PCCA: variants seen among roughly 807,000 people sequenced by gnomAD.
PCCA encodes the protein propionyl-CoA carboxylase alpha chain, mitochondrial.
A neutral mutation model predicts 101.3 loss-of-function variants in PCCA; 74 were observed. The ratio of observed to expected loss-of-function variants is 0.73; its 90% CI spans 0.61 to 0.89. The LOEUF is 0.89. PCCA is among the 40% of genes least tolerant of loss of function. PCCA has a pLI of 0.00. For synonymous variants in PCCA, 294 were observed against 313.6 expected (o/e 0.94, Z 0.66); for missense variants, 891 against 907.0 (o/e 0.98, Z 0.23).
chr13:100,195,581 T>C (rs2058054926), intron 6 of PCCA, among the ~76,000 whole-genome samples: 1 of 152,230 alleles, frequency 6.6e-6, no homozygotes, highest in Admixed American at 6.5e-5. Context: ...GAATTTTCTC[T>C]GGGTATCTTC....
intron 6 of PCCA, among the ~76,000 whole-genome samples, chr13:100,198,822 A>T (rs2058293114): frequency 6.6e-6 from 1 of 151,956 alleles, no homozygotes; most frequent in African/African-American, 2.4e-5. Context: ...TTTAACCTTT[A>T]GTGCTAAGTA....
In PCCA at chr13:100,287,353, AAG is replaced by A. The variant is rs566581678; in HGVS notation, c.1065+14009_1065+14010del. On this transcript the variant is annotated intron_variant, in intron 12 of 23. Coordinates refer to ENST00000376285, the MANE Select transcript of PCCA (RefSeq NM_000282.4). ...TTGTATTTATATTTAACAGAAGAAA[AAG>A]AAATTAAAATGACAGAATCTCTGGA... is the stretch of plus-strand genomic sequence containing the variant. Among the ~76,000 whole-genome samples the A allele has an allele frequency of 2.9e-3, 438 of 152,234 alleles. 1 individual carries two copies. Among genetic ancestry groups the A allele is most frequent in the Middle Eastern group, 0.017 (5 of 294 alleles).
At chr13:100,219,530 T>C (rs2059697275) in intron 7 of PCCA, among the ~76,000 whole-genome samples, 3 of 152,176 alleles carry the variant, frequency 2.0e-5, no homozygotes, top group Admixed American at 2.0e-4. Context: ...CGTTGTGTGC[T>C]GGGACATGGG....
intron 9 of PCCA, among the ~76,000 whole-genome samples, chr13:100,259,472 C>CT (rs1369465503): frequency 6.6e-6 from 1 of 151,020 alleles, no homozygotes; most frequent in Non-Finnish European, 1.5e-5. Context: ...GTAGCTGGGA[C>CT]TACAGCTGCA....
chr13:100,411,569 C>T (rs1175984356), intron 19 of PCCA, among the ~76,000 whole-genome samples: 1 of 152,166 alleles, frequency 6.6e-6, no homozygotes, highest in Non-Finnish European at 1.5e-5. Context: ...GTGTCTTAGT[C>T]AATTTGGACT....
At chr13:100,204,003 CAT>C (rs2058700090) in intron 6 of PCCA, among the ~76,000 whole-genome samples, 1 of 152,214 alleles carries the variant, frequency 6.6e-6, no homozygotes, top group Non-Finnish European at 1.5e-5. Context: ...CAGTTTATCT[CAT>C]GTGCTAACTT....
chr13:100,141,174 A>G (rs2051824725), intron 4 of PCCA, among the ~76,000 whole-genome samples: 1 of 152,124 alleles, frequency 6.6e-6, no homozygotes. Context: ...TCAAGTTCCT[A>G]CTGATTTTTC....
At chr13:100,131,144 T>A (rs1193917156) in intron 4 of PCCA, among the ~76,000 whole-genome samples, 1 of 152,118 alleles carries the variant, frequency 6.6e-6, no homozygotes, top group Non-Finnish European at 1.5e-5. Flanking sequence ...AAAAGGGGCT[T>A]GGCTTAAGTA....
chr13:100,160,186 G>A (rs1452012593), intron 6 of PCCA, among the ~76,000 whole-genome samples: 1 of 152,034 alleles, frequency 6.6e-6, no homozygotes, highest in East Asian at 1.9e-4. Context: ...ATTTTATACA[G>A]TCCCTGCTGT....
At chr13:100,314,541 T>C (rs534452439) in intron 16 of PCCA, among the ~76,000 whole-genome samples, 1 of 152,328 alleles carries the variant, frequency 6.6e-6, no homozygotes, top group East Asian at 1.9e-4. Flanking sequence ...TCCCATCCTC[T>C]AAGAGTCATC....
intron 2 of PCCA, among the ~76,000 whole-genome samples, chr13:100,108,974 G>C (rs1031126556): frequency 6.6e-6 from 1 of 152,122 alleles, no homozygotes; most frequent in African/African-American, 2.4e-5. Flanking sequence ...TGGGTTTTAT[G>C]CGCTAATTGG....
At chr13:100,258,470 G>A (rs551397940) in intron 9 of PCCA, among the ~76,000 whole-genome samples, 1 of 152,330 alleles carries the variant, frequency 6.6e-6, no homozygotes, top group African/African-American at 2.4e-5. Flanking sequence ...CAAGAGATGT[G>A]TATTTTGTGG....
chr13:100,335,429 TGACAATGA>T, intron 17 of PCCA, among the ~76,000 whole-genome samples: 1 of 152,326 alleles, frequency 6.6e-6, no homozygotes, highest in Middle Eastern at 3.4e-3. Flanking sequence ...AATCCTAAGC[TGACAATGA>T]GAGAAACTGA....
intron 17 of PCCA, among the ~76,000 whole-genome samples, chr13:100,334,349 CT>C (rs956802470): frequency 1.8e-4 from 27 of 152,182 alleles, no homozygotes; most frequent in African/African-American, 6.0e-4. Flanking sequence ...GGCTTTTCTC[CT>C]TCCCCCACAC....
At chr13:100,477,363 G>A (rs1182249357) in intron 21 of PCCA, 1 of 152,118 alleles carries the variant, frequency 6.6e-6, no homozygotes, top group Non-Finnish European at 1.5e-5. Flanking sequence ...CTTTCTGGTT[G>A]CCATAGCTGC....
At chr13:100,160,324 G>T (rs1284885937) in intron 6 of PCCA, among the ~76,000 whole-genome samples, 1 of 151,956 alleles carries the variant, frequency 6.6e-6, no homozygotes, top group Non-Finnish European at 1.5e-5. Flanking sequence ...ACAACATGGC[G>T]AAACCCCATC....
intron 4 of PCCA, among the ~76,000 whole-genome samples, chr13:100,140,810 C>T (rs1212498681): frequency 6.6e-6 from 1 of 152,118 alleles, no homozygotes; most frequent in Non-Finnish European, 1.5e-5. Context: ...TTGAAAGCTA[C>T]TTAGAAAACA....
At chr13:100,167,837 GCT>G (rs987020571) in intron 6 of PCCA, among the ~76,000 whole-genome samples, 2 of 152,098 alleles carry the variant, frequency 1.3e-5, no homozygotes, top group African/African-American at 4.8e-5. Context: ...TGCGATCTCG[GCT>G]CTCTGCAAGC....
At chr13:100,105,011 A>G (rs533036657) in intron 2 of PCCA, among the ~76,000 whole-genome samples, 6 of 152,068 alleles carry the variant, frequency 3.9e-5, no homozygotes, top group African/African-American at 1.4e-4. Flanking sequence ...CCAATTTTCA[A>G]TTTTCTAATA....
Sources: gnomAD v4.1 joint callset for allele counts (sites outside exome capture counted in the v4.1 genomes callset) on GRCh38, gnomAD v4.1.1 for gene constraint, MANE v1.5 for transcripts, NCBI Gene and HGNC (gene_info 2026-07-23, HGNC 2026-07-21) for gene names.